SAMD12: variants seen among roughly 807,000 people sequenced by gnomAD.
SAMD12 encodes the protein sterile alpha motif domain-containing protein 12.
Under a neutral mutation model 15.0 loss-of-function variants are expected in SAMD12, and 9 were observed. The ratio of observed to expected loss-of-function variants is 0.60; its 90% confidence interval spans 0.36 to 1.05. SAMD12 has a LOEUF of 1.05. Ranked by LOEUF, SAMD12 falls within the 50% of genes least tolerant of loss-of-function variation. SAMD12 has a pLI of 0.01. For synonymous variants in SAMD12, 86 were observed against 90.1 expected (o/e 0.96, Z 0.25); for missense variants, 230 against 234.2 (o/e 0.98, Z 0.12).
chr8:118,593,904 C>T (rs1444602974), intron 1 of SAMD12, among the ~76,000 whole-genome samples: 2 of 152,186 alleles, frequency 1.3e-5, no homozygotes, highest in Non-Finnish European at 2.9e-5. Flanking sequence ...AATAAACAGC[C>T]TTCATAACCT....
At chr8:118,501,420 T>C (rs1393489607) in intron 2 of SAMD12, among the ~76,000 whole-genome samples, 2 of 152,228 alleles carry the variant, frequency 1.3e-5, no homozygotes, top group African/African-American at 2.4e-5. Flanking sequence ...AACATCATAC[T>C]GTATACCACA....
chr8:118,550,945 A>T (rs1201178503), intron 2 of SAMD12, among the ~76,000 whole-genome samples: 1 of 151,164 alleles, frequency 6.6e-6, no homozygotes, highest in East Asian at 1.9e-4. Flanking sequence ...CCATTACATA[A>T]TGGTAAAGGG....
chr8:118,198,903 G>A (rs1012736141), intron 4 of SAMD12, among the ~76,000 whole-genome samples: 2 of 151,530 alleles, frequency 1.3e-5, no homozygotes, highest in Admixed American at 1.3e-4. Context: ...CTAAAAAAAA[G>A]AAAGAAGCTA....
chr8:118,367,351 C>T (rs1818853546), intron 4 of SAMD12, among the ~76,000 whole-genome samples: 1 of 152,218 alleles, frequency 6.6e-6, no homozygotes, highest in African/African-American at 2.4e-5. Flanking sequence ...TCAACTGACT[C>T]TCTAAAAATC....
chr8:118,604,775 AG>A (rs1208775220), intron 1 of SAMD12, among the ~76,000 whole-genome samples: 2 of 151,850 alleles, frequency 1.3e-5, no homozygotes, highest in Non-Finnish European at 1.5e-5. Context: ...AAAAAAAATT[AG>A]GGGGGCGTGG....
intron 2 of SAMD12, among the ~76,000 whole-genome samples, chr8:118,523,813 T>C (rs1463895181): frequency 6.6e-6 from 1 of 152,170 alleles, no homozygotes; most frequent in East Asian, 1.9e-4. Flanking sequence ...AAACTCATTA[T>C]GTCTGAAAAC....
the SAMD12 span, among the ~76,000 whole-genome samples, chr8:118,182,940 G>T: frequency 6.6e-6 from 1 of 152,196 alleles, no homozygotes. Flanking sequence ...CACACATGGG[G>T]ACAGAAATTA....
chr8:118,551,359 A>G (rs1005572350), intron 2 of SAMD12, among the ~76,000 whole-genome samples: 3 of 152,196 alleles, frequency 2.0e-5, no homozygotes, highest in African/African-American at 4.8e-5. Context: ...ACTAGAACTC[A>G]GGATTAAGAA....
chr8:118,344,904 T>C (rs1817558709), intron 4 of SAMD12, among the ~76,000 whole-genome samples: 2 of 152,198 alleles, frequency 1.3e-5, no homozygotes, highest in South Asian at 4.1e-4. Flanking sequence ...AGTAACATCA[T>C]CACCATTGTA....
intron 2 of SAMD12, among the ~76,000 whole-genome samples, chr8:118,570,528 A>G (rs1480610053): frequency 6.6e-6 from 1 of 152,164 alleles, no homozygotes; most frequent in Admixed American, 6.5e-5. Flanking sequence ...TGTCCCTGCA[A>G]ATGACATGAT....
At position 118,312,113 on chromosome 8, in the gene SAMD12, C is replaced by T. The variant is rs75008860; in HGVS notation, c.433+67447G>A. Reference sequence around the variant, plus strand: ...CATTCCTGGGATCACTACACCTTTACACATTTTCACCATCTCATATCTGGA... The same window carrying T: ...CATTCCTGGGATCACTACACCTTTATACATTTTCACCATCTCATATCTGGA... On this transcript the variant is annotated intron_variant, in intron 4 of 4. Transcript: ENST00000409003. Among the ~76,000 whole-genome samples the T allele has an allele frequency of 6.1e-3, 925 of 152,264 alleles. 7 individuals are homozygous for T. The highest frequency in any genetic ancestry group is 0.021 in the African/African-American group (873 of 41,560).
chr8:118,227,464 A>G lies in SAMD12; in HGVS notation c.434-29732T>C, dbSNP rs192089357. ...GAAATAATCTACATAACAAACCCTC[A>G]TGACCGAGTGTACCTATGTAACAAA... On this transcript the variant is annotated intron_variant, in intron 4 of 4. Transcript: ENST00000409003. Among the ~76,000 whole-genome samples the G allele has an allele frequency of 2.4e-3, 358 of 152,170 alleles. 3 individuals are homozygous for G. The highest frequency in any genetic ancestry group is 8.2e-3 in the African/African-American group (342 of 41,538).
intron 4 of SAMD12, among the ~76,000 whole-genome samples, chr8:118,315,694 A>AC (rs111628464): frequency 1.3e-5 from 2 of 152,082 alleles, no homozygotes; most frequent in Admixed American, 6.6e-5. Flanking sequence ...AGAAAAAAAA[A>AC]CTTCCAGAAG....
chr8:118,156,009 A>G, the SAMD12 span, among the ~76,000 whole-genome samples: 2 of 152,330 alleles, frequency 1.3e-5, no homozygotes, highest in East Asian at 3.9e-4. Flanking sequence ...TTCATAATAT[A>G]TAGCATTATT....
In SAMD12 at chr8:118,499,321, C is replaced by A. The variant is rs551094458; in HGVS notation, c.193-59360G>T. ...CAGAAAGTTCAGTCTTCTACAGGCA[C>A]AGAGGGAGAGAAGGAGCAAATATTG... On this transcript the variant is annotated intron_variant, in intron 2 of 3. Coordinates refer to ENST00000314727, the MANE Select transcript of SAMD12 (RefSeq NM_207506.3). Among the ~76,000 whole-genome samples the A allele has an allele frequency of 2.6e-5, 4 of 152,260 alleles. No homozygotes were observed. The East Asian group carries it at 7.7e-4, about 29-fold the overall frequency.
intron 4 of SAMD12, among the ~76,000 whole-genome samples, chr8:118,237,119 A>G (rs1365705926): frequency 6.6e-6 from 1 of 152,160 alleles, no homozygotes; most frequent in Non-Finnish European, 1.5e-5. Context: ...TAATTATTCC[A>G]TTCAATCCTT....
intron 2 of SAMD12, among the ~76,000 whole-genome samples, chr8:118,456,587 C>T (rs1823258340): frequency 6.6e-6 from 1 of 152,148 alleles, no homozygotes; most frequent in African/African-American, 2.4e-5. Flanking sequence ...TGTATCTGTT[C>T]CTGTTCCAAT....
intron 4 of SAMD12, among the ~76,000 whole-genome samples, chr8:118,285,321 A>C (rs1414283782): frequency 6.6e-6 from 1 of 152,204 alleles, no homozygotes; most frequent in Non-Finnish European, 1.5e-5. Flanking sequence ...TCCCTATGTT[A>C]TAGTGATCAT....
chr8:118,255,887 G>T (rs957705575), intron 4 of SAMD12, among the ~76,000 whole-genome samples: 1 of 152,054 alleles, frequency 6.6e-6, no homozygotes, highest in South Asian at 2.1e-4. Flanking sequence ...GGATGGCTGG[G>T]TCAAATGGTA....
Sources: gnomAD v4.1 joint callset for allele counts (sites outside exome capture counted in the v4.1 genomes callset) on GRCh38, gnomAD v4.1.1 for gene constraint, MANE v1.5 for transcripts, NCBI Gene and HGNC (gene_info 2026-07-23, HGNC 2026-07-21) for gene names.